The following TAF2 variants were observed in gnomAD, a reference collection of about 807,000 sequenced individuals.
The protein encoded by TAF2 is TATA-box binding protein associated factor 2.
A neutral mutation model predicts 138.5 loss-of-function variants in TAF2; 61 were observed. The ratio of observed to expected loss-of-function variants is 0.44; its 90% CI spans 0.36 to 0.54. TAF2 has a LOEUF of 0.54. TAF2 is among the 20% of genes least tolerant of loss of function. The probability of loss-of-function intolerance (pLI) is 0.00; values close to 1 mark genes in which losing one functional copy is unlikely to be tolerated. For synonymous variants in TAF2, 475 were observed against 469.9 expected (o/e 1.01, Z -0.14); for missense variants, 1,090 against 1,427.9 (o/e 0.76, Z 3.81).
intron 11 of TAF2, among the ~76,000 whole-genome samples, chr8:119,791,034 C>A (rs1315112742): frequency 6.6e-6 from 1 of 152,114 alleles, no homozygotes; most frequent in Non-Finnish European, 1.5e-5. Flanking sequence ...CCCCTGGCCT[C>A]AAGCAATCAT....
intron 22 of TAF2, among the ~76,000 whole-genome samples, chr8:119,748,857 T>C (rs1820156017): frequency 6.6e-6 from 1 of 151,878 alleles, no homozygotes; most frequent in South Asian, 2.1e-4. Context: ...CAGCTGGCCC[T>C]GTATCTCTCT....
Position 119,791,426 on chromosome 8 carries a change from A to G in TAF2, c.1311T>C (p.His437=). 1 of 1,613,804 alleles carries G rather than the reference A, an allele frequency of 6.2e-7. No individual in the cohort carries two copies. Among genetic ancestry groups the G allele is most frequent in the Non-Finnish European group, 8.5e-7 (1 of 1,179,828 alleles). ...AGTATTCCCAGGACAGTGTATGTGGATGCTTTATTGAAAAGTGTAGATGGG... is the reference window on the plus strand; with the variant it reads ...AGTATTCCCAGGACAGTGTATGTGGGTGCTTTATTGAAAAGTGTAGATGGG... ...PASHLHFSIK[H]PHTLSWEYYS... is the part of the protein sequence containing the mutation. The change falls in exon 11 of 26, where the codon CAT becomes CAC. Residue 437 remains histidine (H), a synonymous_variant. Coordinates refer to ENST00000378164, the MANE Select transcript of TAF2 (RefSeq NM_003184.4).
At position 119,819,339 on chromosome 8, in the gene TAF2, AACTT is replaced by A; in HGVS notation, c.299+3_299+6del. On this transcript the variant is annotated splice_donor_5th_base_variant and intron_variant, in intron 3 of 25. Coordinates refer to ENST00000378164, the MANE Select transcript of TAF2 (RefSeq NM_003184.4). The stretch of plus-strand genomic sequence containing the variant: ...AAAAATAGTGACTTTTAAAGTGCAT[AACTT>A]ACTGTTTTGATTCACTGTGACAAAC... The A allele has an allele frequency of 6.2e-7, 1 of 1,612,322 alleles. No individual in the cohort carries two copies. The highest frequency in any genetic ancestry group is 1.7e-4 in the Middle Eastern group (1 of 6,052).
rs989779381 is a variant in TAF2 at position 119,788,914 on chromosome 8, T to G, written c.1569-10A>C. The G allele has an allele frequency of 4.5e-6, 7 of 1,553,236 alleles. No individual in the cohort carries two copies. In the African/African-American group the frequency reaches 9.5e-5, roughly 21 times the overall value. On this transcript the variant is annotated splice_polypyrimidine_tract_variant and intron_variant, in intron 12 of 25. Transcript: ENST00000378164. The stretch of plus-strand genomic sequence containing the variant: ...CACTCCACTCTGATCTCTGAAGAAT[T>G]GTAAAGGAAAGTTTACATACTGAAA...
At chr8:119,796,449 T>G (rs1823832781) in intron 8 of TAF2, among the ~76,000 whole-genome samples, 1 of 152,122 alleles carries the variant, frequency 6.6e-6, no homozygotes, top group African/African-American at 2.4e-5. Flanking sequence ...ACCTTTCATT[T>G]CTTTCAACAA....
In TAF2 at chr8:119,832,429, T is replaced by C. The variant is rs1826520150; in HGVS notation, c.83+53A>G. The C allele has an allele frequency of 1.3e-6, 2 of 1,573,216 alleles. 1 individual carries two copies. Among genetic ancestry groups the C allele is most frequent in the South Asian group, 2.2e-5 (2 of 89,964 alleles). On this transcript the variant is annotated intron_variant, in intron 1 of 25. Transcript: ENST00000378164. ...GTCAATTTCAAGCAATCGCAAAATATAATTAATGGCAACAAAACCAAAAGG... is the reference window on the plus strand; with the variant it reads ...GTCAATTTCAAGCAATCGCAAAATACAATTAATGGCAACAAAACCAAAAGG...
At position 119,830,001 on chromosome 8, in the gene TAF2, C is replaced by T. The variant is rs569585642; in HGVS notation, c.138+1676G>A. Among the ~76,000 whole-genome samples the T allele has an allele frequency of 2.6e-5, 4 of 151,892 alleles. No homozygotes were observed. In the South Asian group the frequency reaches 8.3e-4, roughly 32 times the overall value. The stretch of plus-strand genomic sequence containing the variant: ...TGCAAGTTCGCCTCCCAGGTTCATG[C>T]CATTCTCCTGCCTCAGCCTCCCGAG... On this transcript the variant is annotated intron_variant, in intron 2 of 25. Transcript: ENST00000378164.
intron 25 of TAF2, 23 bp downstream of exon 25, chr8:119,742,511 T>C (rs1819663917): frequency 9.9e-6 from 16 of 1,610,966 alleles, no homozygotes; most frequent in Non-Finnish European, 1.4e-5. Context: ...AAAATAATAT[T>C]AATTCTGATT....
At chr8:119,829,571 A>G (rs182567147) in intron 2 of TAF2, among the ~76,000 whole-genome samples, 1 of 152,096 alleles carries the variant, frequency 6.6e-6, no homozygotes, top group African/African-American at 2.4e-5. Flanking sequence ...ATATATATAC[A>G]CATACATATA....
chr8:119,822,470 T>C (rs1306631654), intron 2 of TAF2, among the ~76,000 whole-genome samples: 2 of 152,096 alleles, frequency 1.3e-5, no homozygotes, highest in African/African-American at 4.8e-5. Flanking sequence ...GTGACCCTCC[T>C]ATCTCAGCCT....
At position 119,783,624 on chromosome 8, in the gene TAF2, G is replaced by T. The variant is rs771179633; in HGVS notation, c.1869C>A (p.Ser623=). The change falls in exon 16 of 26, where the codon TCC becomes TCA. Residue 623 remains serine (S), a synonymous_variant. Coordinates refer to ENST00000378164, the MANE Select transcript of TAF2 (RefSeq NM_003184.4). Reference sequence around the variant, plus strand: ...GGTCTATCCTTATCCACAGCAAAGGGGAATCAGCACTGCAAGAAAATACAA... The same window carrying T: ...GGTCTATCCTTATCCACAGCAAAGGTGAATCAGCACTGCAAGAAAATACAA... ...DMDLSAMDAD[S]PLLWIRIDPD... The T allele has an allele frequency of 7.4e-6, 12 of 1,613,542 alleles. No homozygotes were observed. Among genetic ancestry groups the T allele is most frequent in the Non-Finnish European group, 1.0e-5 (12 of 1,179,820 alleles).
At chr8:119,744,564 G>C (rs1421581337) in intron 23 of TAF2, 171 bp from the exon 24 acceptor site, 1 of 651,300 alleles carries the variant, frequency 1.5e-6, no homozygotes, top group Non-Finnish European at 2.7e-6. Flanking sequence ...AAAAGATTAT[G>C]TGGTCCAGCC....
At chr8:119,738,869 C>T (rs1156992082) in intron 25 of TAF2, among the ~76,000 whole-genome samples, 8 of 151,930 alleles carry the variant, frequency 5.3e-5, no homozygotes, top group African/African-American at 1.9e-4. Context: ...GGTGTAAGTT[C>T]TGTTCTTCAG....
intron 11 of TAF2, 32 bp downstream of exon 11, chr8:119,791,292 A>C: frequency 6.2e-7 from 1 of 1,607,470 alleles, no homozygotes; most frequent in South Asian, 1.1e-5. Context: ...ATCTTTATTT[A>C]CCATTGTTAA....
intron 6 of TAF2, among the ~76,000 whole-genome samples, chr8:119,800,554 G>C (rs192893785): frequency 7.0e-4 from 106 of 152,288 alleles, no homozygotes; most frequent in Middle Eastern, 3.4e-3. Context: ...TAGCCTTGTA[G>C]TATAGTTTGA....
chr8:119,763,366 A>G (rs191186845), intron 18 of TAF2, among the ~76,000 whole-genome samples: 2 of 152,352 alleles, frequency 1.3e-5, no homozygotes, highest in Admixed American at 1.3e-4. Flanking sequence ...ACAGAAAACA[A>G]TCATGTGACT....
intron 3 of TAF2, 151 bp from the exon 4 acceptor site, chr8:119,806,552 C>T (rs1207291028): frequency 6.2e-6 from 4 of 643,542 alleles, no homozygotes; most frequent in Non-Finnish European, 1.1e-5. Context: ...TCACTGCAAC[C>T]TCCACCTCCA....
At chr8:119,755,118 T>C (rs570849576) in intron 22 of TAF2, among the ~76,000 whole-genome samples, 5 of 152,328 alleles carry the variant, frequency 3.3e-5, no homozygotes, top group South Asian at 4.1e-4. Flanking sequence ...AAGTAAATAA[T>C]TGAGCTAAGA....
intron 25 of TAF2, among the ~76,000 whole-genome samples, chr8:119,740,471 T>G (rs1264052725): frequency 2.2e-5 from 3 of 136,418 alleles, no homozygotes; most frequent in Non-Finnish European, 4.6e-5. Flanking sequence ...CTGGCCAATA[T>G]GGTGAAATCC....
Sources: gnomAD v4.1 joint callset for allele counts (sites outside exome capture counted in the v4.1 genomes callset) on GRCh38, gnomAD v4.1.1 for gene constraint, MANE v1.5 for transcripts, NCBI Gene and HGNC (gene_info 2026-07-23, HGNC 2026-07-21) for gene names.